OR51B5: variants seen among roughly 807,000 people sequenced by gnomAD.
The protein encoded by OR51B5 is olfactory receptor family 51 subfamily B member 5.
For missense variants in OR51B5, 456 were observed against 374.6 expected (o/e 1.22, Z -1.79); for synonymous variants, 186 against 144.8 (o/e 1.28, Z -2.04).
intron 1 of OR51B5, among the ~76,000 whole-genome samples, chr11:5,495,062 A>C (rs949806818): frequency 6.6e-6 from 1 of 152,170 alleles, no homozygotes; most frequent in African/African-American, 2.4e-5. Context: ...GAGAAACACC[A>C]ATTTTGCCAA....
chr11:5,344,198 T>C (rs4326830), upstream of OR51B5, among the ~76,000 whole-genome samples: 54,232 of 152,060 alleles, frequency 0.36, 9,944 homozygotes, highest in African/African-American at 0.39. Flanking sequence ...ACTCACTACT[T>C]GTGACAATAG....
chr11:5,359,908 TA>T (rs1849254928), intron 1 of OR51B5, among the ~76,000 whole-genome samples: 1 of 152,210 alleles, frequency 6.6e-6, no homozygotes, highest in Non-Finnish European at 1.5e-5. Flanking sequence ...ATTCCCTATT[TA>T]ATAAATGGTG....
intron 1 of OR51B5, among the ~76,000 whole-genome samples, chr11:5,393,597 AGAT>A (rs1048342089): frequency 2.0e-5 from 3 of 152,092 alleles, no homozygotes; most frequent in Non-Finnish European, 4.4e-5. Flanking sequence ...ATTATGCTGA[AGAT>A]GACAATGAAG....
chr11:5,441,458 A>C, intron 1 of OR51B5: 1 of 1,613,676 alleles, frequency 6.2e-7, no homozygotes. Flanking sequence ...GTATCCCAGG[A>C]ATGCCTGTCA....
At chr11:5,455,373 A>T (rs1850935860) in intron 1 of OR51B5, 1 of 151,178 alleles carries the variant, frequency 6.6e-6, no homozygotes, top group Non-Finnish European at 1.5e-5. Flanking sequence ...AAAGCCTAGG[A>T]TAGACAGACT....
chr11:5,386,968 A>T, intron 1 of OR51B5, among the ~76,000 whole-genome samples: 1 of 152,122 alleles, frequency 6.6e-6, no homozygotes, highest in Non-Finnish European at 1.5e-5. Flanking sequence ...GAGTTTCATC[A>T]GTATCCTTTT....
chr11:5,342,983 TC>T lies in OR51B5; in HGVS notation c.541del (p.Asp181MetfsTer21). 1 of 1,612,920 alleles carries T rather than the reference TC, an allele frequency of 6.2e-7. No individual in the cohort carries two copies. Among genetic ancestry groups the T allele is most frequent in the Non-Finnish European group, 8.5e-7 (1 of 1,179,122 alleles). ...ATCAGCACAGGCGAGTTTAATGACA[TC>T]CTGGTGAAGGCAGAATGCATGTGAA... On this transcript the variant is annotated frameshift_variant, in exon 1 of 1. Coordinates refer to ENST00000300773, the Ensembl canonical transcript of OR51B5. LOFTEE classifies it low-confidence loss of function (END_TRUNC).
intron 1 of OR51B5, among the ~76,000 whole-genome samples, chr11:5,363,355 T>C (rs1849316248): frequency 3.4e-5 from 2 of 58,978 alleles, no homozygotes; most frequent in Non-Finnish European, 8.4e-5. Context: ...TTTTTTTGGT[T>C]TTTGTTTTTT....
chr11:5,422,684 C>A (rs376722767), intron 1 of OR51B5: 5 of 1,614,098 alleles, frequency 3.1e-6, no homozygotes, highest in Non-Finnish European at 4.2e-6. Flanking sequence ...TCTTCCCTCC[C>A]TTTTCTTACT....
chr11:5,485,365 G>A (rs1590023474), intron 1 of OR51B5, among the ~76,000 whole-genome samples: 1 of 152,200 alleles, frequency 6.6e-6, no homozygotes, highest in Non-Finnish European at 1.5e-5. Flanking sequence ...AGAAATAGAT[G>A]TATCTTTCCC....
intron 1 of OR51B5, among the ~76,000 whole-genome samples, chr11:5,474,373 C>T (rs1311635305): frequency 6.6e-6 from 1 of 152,032 alleles, no homozygotes; most frequent in Non-Finnish European, 1.5e-5. Context: ...GAGATAAAGG[C>T]GAACAACACA....
chr11:5,445,418 T>G lies in OR51B5; in HGVS notation n.84+60151A>C, dbSNP rs570015881. 1.4e-4 allele frequency among the ~76,000 whole-genome samples: 22 copies of G among 152,232 alleles called. No homozygotes were observed. In the East Asian group the frequency reaches 3.9e-3, roughly 27 times the overall value. ...GCTAGCATCCATGTAACAAATTCCT[T>G]ATGCAAGCACTCCTTTTACTCCATT... is the stretch of plus-strand genomic sequence containing the variant. On this transcript the variant is annotated intron_variant and non_coding_transcript_variant, in intron 1 of 4. Transcript: ENST00000415970.
chr11:5,447,074 C>A (rs1850777296), intron 1 of OR51B5, among the ~76,000 whole-genome samples: 1 of 152,252 alleles, frequency 6.6e-6, no homozygotes, highest in Non-Finnish European at 1.5e-5. Flanking sequence ...TTGCATGGTG[C>A]TGACCATGAA....
At chr11:5,358,254 A>G (rs145201700) in intron 1 of OR51B5, among the ~76,000 whole-genome samples, 5,241 of 152,090 alleles carry the variant, frequency 0.034, 161 homozygotes, top group Non-Finnish European at 0.046. Flanking sequence ...AGCAAGACTA[A>G]TAAAGAAGAA....
intron 1 of OR51B5, among the ~76,000 whole-genome samples, chr11:5,470,670 G>C (rs555066010): frequency 6.6e-6 from 1 of 152,254 alleles, no homozygotes; most frequent in South Asian, 2.1e-4. Context: ...CTCATCACCA[G>C]TCACCATCTA....
chr11:5,444,196 A>G (rs1427652772), intron 1 of OR51B5, among the ~76,000 whole-genome samples: 1 of 152,152 alleles, frequency 6.6e-6, no homozygotes, highest in African/African-American at 2.4e-5. Flanking sequence ...GCTGACATAC[A>G]CAATACTGAA....
At chr11:5,495,740 T>C (rs1851641044) in intron 1 of OR51B5, among the ~76,000 whole-genome samples, 1 of 152,214 alleles carries the variant, frequency 6.6e-6, no homozygotes, top group Non-Finnish European at 1.5e-5. Context: ...TGCCTATCAA[T>C]AATCACTTTA....
chr11:5,350,591 A>C (rs530099195), intron 1 of OR51B5, among the ~76,000 whole-genome samples: 8 of 149,392 alleles, frequency 5.4e-5, no homozygotes, highest in Non-Finnish European at 1.0e-4. Context: ...CCATAGTTTT[A>C]AAAAAAAAAT....
chr11:5,475,368 T>A (rs1851287640), intron 1 of OR51B5, among the ~76,000 whole-genome samples: 1 of 152,172 alleles, frequency 6.6e-6, no homozygotes, highest in Non-Finnish European at 1.5e-5. Context: ...ATGACCTCCT[T>A]TCAGTTCCTC....
Sources: gnomAD v4.1 joint callset for allele counts (sites outside exome capture counted in the v4.1 genomes callset) on GRCh38, gnomAD v4.1.1 for gene constraint, MANE v1.5 for transcripts, NCBI Gene and HGNC (gene_info 2026-07-23, HGNC 2026-07-21) for gene names.